Variants in N4BP3 observed in about 807,000 individuals in gnomAD.
N4BP3 encodes the protein NEDD4-binding protein 3.
Under a neutral mutation model 43.8 loss-of-function variants are expected in N4BP3, and 33 were observed. That is an observed-to-expected ratio of 0.75 (90% CI 0.57 to 1.01). N4BP3 has a LOEUF of 1.01. Ranked by LOEUF, N4BP3 falls within the 50% of genes least tolerant of loss-of-function variation. The pLI, the probability that N4BP3 is intolerant of heterozygous loss-of-function variation, is 0.00. For synonymous variants in N4BP3, 326 were observed against 321.9 expected (o/e 1.01, Z -0.14); for missense variants, 756 against 744.2 (o/e 1.02, Z -0.18).
rs1758035831 is a variant in N4BP3, at chr5:178,125,404, C to T, written c.*3403C>T. The stretch of plus-strand genomic sequence containing the variant: ...GAGGGGCCTCCATGGTGGCATGGGT[C>T]AGCAGAGCATGGAGCAGGCAGAGGA... On this transcript the variant is annotated 3_prime_UTR_variant, in exon 5 of 5. Transcript: ENST00000274605. 6.6e-6 allele frequency: 1 copy of T among 152,398 alleles called. No homozygotes were observed. Among genetic ancestry groups the T allele is most frequent in the Non-Finnish European group, 1.5e-5 (1 of 68,196 alleles). The allele number at this position is 152,398 out of a possible 1,614,324, so 9.4% of individuals were successfully genotyped here.
chr5:178,120,018 A>G, intron 2 of N4BP3, 105 bp downstream of exon 2: 2 of 1,471,286 alleles, frequency 1.4e-6, no homozygotes, highest in Non-Finnish European at 1.8e-6. Context: ...AGATACGAAA[A>G]TCGTGCTATG....
rs1757887405 is a variant in N4BP3 at position 178,120,378 on chromosome 5, A to C, written c.531A>C (p.Leu177=). 6.2e-7 allele frequency: 1 copy of C among 1,612,396 alleles called. No individual in the cohort carries two copies. Among genetic ancestry groups the C allele is most frequent in the Non-Finnish European group, 8.5e-7 (1 of 1,179,734 alleles). The part of the protein sequence containing the change: ...ARAQLLHALS[L]DEGGPEPEPS... ...CACAGCTGCTGCACGCCCTCAGCCT[A>C]GATGAGGGCGGCCCTGAGCCCGAGC... Residue 177 remains leucine (L), a synonymous_variant, in exon 3 of 5, where the codon CTA becomes CTC. Coordinates refer to ENST00000274605, the MANE Select transcript of N4BP3 (RefSeq NM_015111.2).
chr5:178,114,140 C>T (rs1249311675), intron 1 of N4BP3, among the ~76,000 whole-genome samples: 2 of 152,190 alleles, frequency 1.3e-5, no homozygotes, highest in African/African-American at 2.4e-5. Context: ...TCGGCCTCCG[C>T]CCCCCGGCCC....
downstream of N4BP3, among the ~76,000 whole-genome samples, chr5:178,126,319 C>T (rs555720111): frequency 3.3e-5 from 5 of 152,228 alleles, no homozygotes; most frequent in East Asian, 3.9e-4. Flanking sequence ...GCTGAGACTA[C>T]AGGCGCCTGC....
rs1430756240 is a variant in N4BP3 at position 178,122,567 on chromosome 5, T to A, written c.*566T>A. On this transcript the variant is annotated 3_prime_UTR_variant, in exon 5 of 5. Coordinates refer to ENST00000274605, the MANE Select transcript of N4BP3 (RefSeq NM_015111.2). ...GGCATGTGTGTTGGGAGCAGAGGAG[T>A]CCTACTCCTTGCCTCAGCCCCACAC... 1 of 152,926 alleles carries A rather than the reference T, an allele frequency of 6.5e-6. No homozygotes were observed. Among genetic ancestry groups the A allele is most frequent in the African/African-American group, 2.4e-5 (1 of 41,318 alleles). The allele number at this position is 152,926 out of a possible 1,614,324, so 9.5% of individuals were successfully genotyped here. A position where few individuals can be genotyped will look rare whatever the true frequency, so the allele number is the denominator to read the frequency against.
intron 1 of N4BP3, among the ~76,000 whole-genome samples, chr5:178,115,668 G>A (rs1049904146): frequency 4.6e-5 from 7 of 152,234 alleles, no homozygotes; most frequent in African/African-American, 7.2e-5. Flanking sequence ...GGGGATGACA[G>A]AACTCATCTC....
In N4BP3 at chr5:178,119,898, G is replaced by A; in HGVS notation, c.315G>A (p.Arg105=). 1 of 1,605,946 alleles carries A rather than the reference G, an allele frequency of 6.2e-7. No homozygotes were observed. The highest frequency in any genetic ancestry group is 8.5e-7 in the Non-Finnish European group (1 of 1,177,994). ...GDFSKTSLPE[R]GRFDKCRIRP... ...TCAGCAAGACCTCGCTGCCAGAACG[G>A]GGTCGCTTTGACAAGGTGCACCTTT... The change falls in exon 2 of 5, where the codon CGG becomes CGA. Residue 105 remains arginine, a synonymous_variant. Transcript: ENST00000274605.
At chr5:178,115,504 T>C (rs1757751981) in intron 1 of N4BP3, among the ~76,000 whole-genome samples, 1 of 152,182 alleles carries the variant, frequency 6.6e-6, no homozygotes, top group Non-Finnish European at 1.5e-5. Context: ...CTCCTGCCCA[T>C]GTGGGGACTG....
chr5:178,121,682 C>T lies in N4BP3; in HGVS notation c.1316C>T (p.Pro439Leu). 2 of 1,611,250 alleles carry T rather than the reference C, an allele frequency of 1.2e-6. No individual in the cohort carries two copies. Among genetic ancestry groups the T allele is most frequent in the Non-Finnish European group, 1.7e-6 (2 of 1,179,856 alleles). The change falls in exon 5 of 5, where the codon CCA becomes CTA. Residue 439 changes from proline (P) to leucine (L), a missense_variant. Physicochemically the swap from Pro to Leu is moderately conservative, Grantham distance 98. Coordinates refer to ENST00000274605, the MANE Select transcript of N4BP3 (RefSeq NM_015111.2). ...LQEQAPREEA[P>L]GSCETDDCKS... Reference sequence around the variant, plus strand: ...GAGCAGGCCCCTCGGGAGGAAGCCCCAGGCAGCTGTGAGACTGATGACTGC... The same window carrying T: ...GAGCAGGCCCCTCGGGAGGAAGCCCTAGGCAGCTGTGAGACTGATGACTGC...
downstream of N4BP3, among the ~76,000 whole-genome samples, chr5:178,126,764 G>A (rs1242596832): frequency 1.3e-5 from 2 of 152,172 alleles, no homozygotes; most frequent in South Asian, 4.1e-4. Flanking sequence ...TTAACTCACA[G>A]GAAAGGATAC....
Position 178,121,572 on chromosome 5 carries a change from G to C in N4BP3, c.1206G>C (p.Lys402Asn), listed in dbSNP as rs1415584752. The C allele has an allele frequency of 4.3e-6, 7 of 1,613,612 alleles. No homozygotes were observed. The highest frequency in any genetic ancestry group is 2.2e-5 in the East Asian group (1 of 44,870). Residue 402 changes from lysine (K) to asparagine (N), a missense_variant, in exon 5 of 5, where the codon AAG (lysine) becomes AAC (asparagine). Transcript: ENST00000274605. ...AQKLAEIFSL[K>N]TQLRGSRAQA... ...AGCTGGCGGAGATCTTCAGTCTGAAGACACAACTTCGGGGCAGCCGGGCAC... is the reference window on the plus strand; with the variant it reads ...AGCTGGCGGAGATCTTCAGTCTGAACACACAACTTCGGGGCAGCCGGGCAC...
At chr5:178,120,781 AC>A in intron 3 of N4BP3, 82 bp downstream of exon 3, 1 of 1,446,524 alleles carries the variant, frequency 6.9e-7, no homozygotes, top group Non-Finnish European at 9.1e-7. Flanking sequence ...CAGCCAGTTC[AC>A]CCACGTGGCC....
rs536789042 is a variant in N4BP3 at position 178,119,249 on chromosome 5, A to G, written c.-30-305A>G. ...GCTTCCAGGCCTATCCCCTCCCGGTACTTCTGAATCCCACACAGGCCCCGA... is the reference window on the plus strand; with the variant it reads ...GCTTCCAGGCCTATCCCCTCCCGGTGCTTCTGAATCCCACACAGGCCCCGA... On this transcript the variant is annotated intron_variant, in intron 1 of 4. Coordinates refer to ENST00000274605, the MANE Select transcript of N4BP3 (RefSeq NM_015111.2). 2.6e-5 allele frequency among the ~76,000 whole-genome samples: 4 copies of G among 152,258 alleles called. 1 individual carries two copies. The South Asian group carries it at 8.3e-4, about 32-fold the overall frequency.
chr5:178,120,988 T>G, intron 3 of N4BP3, 110 bp from the exon 4 acceptor site: 1 of 1,408,438 alleles, frequency 7.1e-7, no homozygotes. Flanking sequence ...TGTGGCTGGG[T>G]CCTGTGGTGT....
At chr5:178,114,206 GC>G (rs1214358944) in intron 1 of N4BP3, among the ~76,000 whole-genome samples, 1 of 151,982 alleles carries the variant, frequency 6.6e-6, no homozygotes, top group African/African-American at 2.4e-5. Flanking sequence ...CTCCCACCCC[GC>G]CCCCCAGGTA....
chr5:178,119,977 T>TG, intron 2 of N4BP3, 64 bp downstream of exon 2: 1 of 1,514,480 alleles, frequency 6.6e-7, no homozygotes, highest in Non-Finnish European at 8.9e-7. Context: ...GAGACCCTGA[T>TG]GTTGGGATGG....
chr5:178,118,102 G>A lies in N4BP3; in HGVS notation c.-30-1452G>A, dbSNP rs1328551179. ...GTGGGAGGCAGAGAAGGTGGCATTT[G>A]TTCACTCGGCCAGACCTTTCTGCAC... is the stretch of plus-strand genomic sequence containing the variant. On this transcript the variant is annotated intron_variant, in intron 1 of 4. Transcript: ENST00000274605. This position sits in a 1 kb window ranked among gnomAD's most constrained non-coding sequence, Gnocchi z 5.4. 1.3e-5 allele frequency among the ~76,000 whole-genome samples: 2 copies of A among 152,178 alleles called. No individual in the cohort carries two copies. The highest frequency in any genetic ancestry group is 4.8e-5 in the African/African-American group (2 of 41,438).
intron 1 of N4BP3, among the ~76,000 whole-genome samples, chr5:178,114,632 C>T (rs1399771746): frequency 2.0e-5 from 3 of 152,234 alleles, no homozygotes; most frequent in African/African-American, 7.2e-5. Flanking sequence ...AGGAGGCCAT[C>T]CTGGGCGCGG....
chr5:178,120,487 C>A lies in N4BP3; in HGVS notation c.640C>A (p.His214Asn), dbSNP rs369949337. 144 of 1,612,968 alleles carry A rather than the reference C, an allele frequency of 8.9e-5. No individual in the cohort carries two copies. Among genetic ancestry groups the A allele is most frequent in the Non-Finnish European group, 1.2e-4 (136 of 1,180,040 alleles). ...GPSPFSSSLG[H>N]LNHLGGSLDR... ...TAGCCCCTTCAGCTCCTCCCTTGGC[C>A]ACCTTAACCACCTCGGGGGCTCCCT... Residue 214 changes from histidine to asparagine, a missense_variant, in exon 3 of 5, where the codon CAC (histidine) becomes AAC (asparagine). His to Asn is a moderately conservative substitution (Grantham distance 68). Transcript: ENST00000274605.
Sources: allele counts gnomAD v4.1 joint callset (sites outside exome capture counted in the v4.1 genomes callset), GRCh38; gene constraint gnomAD v4.1.1; non-coding constraint Gnocchi (gnomAD v3.1); transcripts MANE v1.5; gene names NCBI Gene and HGNC (gene_info 2026-07-23, HGNC 2026-07-21).